LCMT1: variants seen among roughly 807,000 people sequenced by gnomAD.
The protein encoded by LCMT1 is [Phosphatase 2A protein]-leucine-carboxy methyltransferase 1.
A neutral mutation model predicts 47.7 loss-of-function variants in LCMT1; 32 were observed. That is an observed-to-expected ratio of 0.67 (90% CI 0.51 to 0.90). LCMT1 has a LOEUF of 0.90. Among genes scored for constraint, LCMT1 ranks in the 40% least tolerant of loss-of-function variants. LCMT1 has a pLI of 0.00. For synonymous variants in LCMT1, 152 were observed against 149.7 expected (o/e 1.02, Z -0.11); for missense variants, 375 against 415.2 (o/e 0.90, Z 0.84).
intron 3 of LCMT1, among the ~76,000 whole-genome samples, chr16:25,138,603 C>T (rs1336778338): frequency 2.0e-5 from 3 of 152,104 alleles, no homozygotes; most frequent in Non-Finnish European, 4.4e-5. Context: ...ATAAATGTTA[C>T]ATCCTGAGCC....
At position 25,178,189 on chromosome 16, in the gene LCMT1, G is replaced by A; in HGVS notation, c.*166G>A. The A allele has an allele frequency of 1.6e-6, 1 of 615,734 alleles. No individual in the cohort carries two copies. The highest frequency in any genetic ancestry group is 2.7e-4 in the Middle Eastern group (1 of 3,768). The allele number at this position is 615,734 out of a possible 1,614,324, so 38.1% of individuals were successfully genotyped here. A position where few individuals can be genotyped will look rare whatever the true frequency, so the allele number is the denominator to read the frequency against. On this transcript the variant is annotated 3_prime_UTR_variant, in exon 11 of 11. Coordinates refer to ENST00000399069, the MANE Select transcript of LCMT1 (RefSeq NM_016309.3). Reference sequence around the variant, plus strand: ...CGCACATGTTCCTCTTCCTGTTCCTGTTGACATGTCGTTGTTTAAATAAAT... The same window carrying A: ...CGCACATGTTCCTCTTCCTGTTCCTATTGACATGTCGTTGTTTAAATAAAT...
intron 1 of LCMT1, among the ~76,000 whole-genome samples, chr16:25,112,234 G>A (rs180937657): frequency 2.0e-5 from 3 of 152,244 alleles, no homozygotes; most frequent in African/African-American, 4.8e-5. Context: ...ATGGGAGCAG[G>A]CCCCTGAGCC....
chr16:25,153,520 T>C (rs277883), intron 5 of LCMT1, among the ~76,000 whole-genome samples: 34,642 of 152,132 alleles, frequency 0.23, 4,076 homozygotes, highest in East Asian at 0.35. Flanking sequence ...AATTCATTCA[T>C]TGGGACTGAA....
rs1178127483 is a variant in LCMT1 at position 25,178,168 on chromosome 16, C to T, written c.*145C>T. ...AGCCTTGGTCACTACAGTGGTCGCA[C>T]ATGTTCCTCTTCCTGTTCCTGTTGA... On this transcript the variant is annotated 3_prime_UTR_variant, in exon 11 of 11. Coordinates refer to ENST00000399069, the MANE Select transcript of LCMT1 (RefSeq NM_016309.3). 2.9e-6 allele frequency: 2 copies of T among 679,186 alleles called. No individual in the cohort carries two copies. The highest frequency in any genetic ancestry group is 5.1e-6 in the Non-Finnish European group (2 of 391,632). The allele number at this position is 679,186 out of a possible 1,614,324, so 42.1% of individuals were successfully genotyped here. A position where few individuals can be genotyped will look rare whatever the true frequency, so the allele number is the denominator to read the frequency against.
chr16:25,160,847 G>A, intron 5 of LCMT1: 1 of 608,724 alleles, frequency 1.6e-6, no homozygotes, highest in Admixed American at 2.0e-5. Flanking sequence ...TGCGCACCAT[G>A]TGCATGAGAG....
intron 8 of LCMT1, among the ~76,000 whole-genome samples, chr16:25,170,341 C>T (rs1212754249): frequency 2.0e-5 from 3 of 151,834 alleles, no homozygotes; most frequent in Non-Finnish European, 4.4e-5. Context: ...TTTGGAAGTA[C>T]TTTAGTGAAC....
At chr16:25,112,606 T>G (rs189486553) in intron 1 of LCMT1, among the ~76,000 whole-genome samples, 2 of 152,236 alleles carry the variant, frequency 1.3e-5, no homozygotes, top group African/African-American at 4.8e-5. Flanking sequence ...TTCAACAAAA[T>G]TTTTTGAGAC....
chr16:25,123,223 CTTTTTT>C (rs750991801), intron 1 of LCMT1, among the ~76,000 whole-genome samples: 1 of 116,186 alleles, frequency 8.6e-6, no homozygotes, highest in African/African-American at 3.3e-5. Flanking sequence ...TATATAACTT[CTTTTTT>C]TTTTTTTTTT....
At chr16:25,165,591 C>G (rs141551448) in intron 7 of LCMT1, among the ~76,000 whole-genome samples, 9,711 of 151,756 alleles carry the variant, frequency 0.064, 371 homozygotes, top group East Asian at 0.14. Context: ...ACTCTCGGCT[C>G]ACTGCAACCT....
intron 2 of LCMT1, among the ~76,000 whole-genome samples, chr16:25,129,173 C>T (rs1010295316): frequency 2.0e-5 from 3 of 151,324 alleles, no homozygotes; most frequent in African/African-American, 7.3e-5. Flanking sequence ...TTTATGGCTG[C>T]AAACAAGTTT....
chr16:25,128,653 C>T, intron 2 of LCMT1, 87 bp downstream of exon 2: 1 of 985,818 alleles, frequency 1.0e-6, no homozygotes, highest in Non-Finnish European at 1.6e-6. Context: ...GTGGTGTGCT[C>T]CCTTTCCAGC....
At chr16:25,142,919 G>A (rs1960737273) in intron 4 of LCMT1, 1 of 152,204 alleles carries the variant, frequency 6.6e-6, no homozygotes, top group Non-Finnish European at 1.5e-5. Context: ...GATCGGGAGA[G>A]GTGTACCCAG....
intron 1 of LCMT1, among the ~76,000 whole-genome samples, chr16:25,127,329 G>A (rs1334868757): frequency 6.6e-6 from 1 of 152,164 alleles, no homozygotes; most frequent in Admixed American, 6.5e-5. Context: ...TTATAAAACT[G>A]TGTGGGTATG....
At chr16:25,139,914 G>T in intron 3 of LCMT1, 1 of 428,232 alleles carries the variant, frequency 2.3e-6, no homozygotes, top group East Asian at 4.0e-5. Context: ...GCTGCCACCT[G>T]CTAGCTCAGG....
intron 1 of LCMT1, among the ~76,000 whole-genome samples, chr16:25,126,775 G>A (rs62034866): frequency 0.073 from 11,153 of 152,276 alleles, 614 homozygotes; most frequent in South Asian, 0.17. Flanking sequence ...GCAGCGGGGC[G>A]AGTGCCTTCC....
chr16:25,124,458 A>G (rs1484770161), intron 1 of LCMT1, among the ~76,000 whole-genome samples: 1 of 152,214 alleles, frequency 6.6e-6, no homozygotes, highest in Non-Finnish European at 1.5e-5. Context: ...GATGTAACTG[A>G]CTTCAGTCTG....
In LCMT1 at chr16:25,178,158, A is replaced by G; in HGVS notation, c.*135A>G. The stretch of plus-strand genomic sequence containing the variant: ...ACTCTTGAGAAGCCTTGGTCACTAC[A>G]GTGGTCGCACATGTTCCTCTTCCTG... On this transcript the variant is annotated 3_prime_UTR_variant, in exon 11 of 11. Coordinates refer to ENST00000399069, the MANE Select transcript of LCMT1 (RefSeq NM_016309.3). The G allele has an allele frequency of 1.4e-6, 1 of 731,418 alleles. No homozygotes were observed. 45.3% of individuals were successfully genotyped at this position (731,418 alleles called of 1,614,324 possible). A position where few individuals can be genotyped will look rare whatever the true frequency, so the allele number is the denominator to read the frequency against.
At position 25,150,333 on chromosome 16, in the gene LCMT1, G is replaced by GTT. The variant is rs35240331; in HGVS notation, c.405-1194_405-1193dup. ...ATCAAGGCATCTTCATAGTTTTCTG[G>GTT]TTTTTTTTTTTTTTTTTTTTTTTTT... On this transcript the variant is annotated intron_variant, in intron 4 of 10. Coordinates refer to ENST00000399069, the MANE Select transcript of LCMT1 (RefSeq NM_016309.3). Among the ~76,000 whole-genome samples the GTT allele has an allele frequency of 2.5e-3, 232 of 93,550 alleles. 7 individuals carry two copies. The highest frequency in any genetic ancestry group is 6.4e-3 in the African/African-American group (147 of 22,906). 61.4% of individuals were successfully genotyped at this position (93,550 alleles called of 152,430 possible). A position where few individuals can be genotyped will look rare whatever the true frequency, so the allele number is the denominator to read the frequency against.
At chr16:25,112,557 G>C (rs1236205290) in intron 1 of LCMT1, among the ~76,000 whole-genome samples, 2 of 152,224 alleles carry the variant, frequency 1.3e-5, no homozygotes, top group Non-Finnish European at 2.9e-5. Context: ...CAGAGAAAGA[G>C]AAAGCTTGAG....
Sources: gnomAD v4.1 joint callset for allele counts (sites outside exome capture counted in the v4.1 genomes callset) on GRCh38, gnomAD v4.1.1 for gene constraint, MANE v1.5 for transcripts, NCBI Gene and HGNC (gene_info 2026-07-23, HGNC 2026-07-21) for gene names.